The following RALYL variants were observed in gnomAD, a reference collection of about 807,000 sequenced individuals.
The protein encoded by RALYL is RNA-binding Raly-like protein.
RALYL carries 29 observed loss-of-function variants against 35.1 expected under a neutral mutation model. The ratio of observed to expected loss-of-function variants is 0.83; its 90% confidence interval spans 0.61 to 1.13. RALYL has a LOEUF of 1.13. RALYL is among the 50% of genes most tolerant of loss of function. The pLI is 0.00. For synonymous variants in RALYL, 120 were observed against 127.6 expected (o/e 0.94, Z 0.40); for missense variants, 359 against 360.4 (o/e 1.00, Z 0.03).
At chr8:84,876,222 T>C (rs1457295632) in intron 7 of RALYL, among the ~76,000 whole-genome samples, 1 of 152,176 alleles carries the variant, frequency 6.6e-6, no homozygotes, top group Non-Finnish European at 1.5e-5. Context: ...ACTTAGCAAG[T>C]CATTTAACTC....
At chr8:84,532,688 G>A (rs537950949) in intron 2 of RALYL, among the ~76,000 whole-genome samples, 2 of 151,960 alleles carry the variant, frequency 1.3e-5, no homozygotes, top group South Asian at 4.2e-4. Flanking sequence ...CTCAAATAAT[G>A]CATATTTGTA....
chr8:84,521,913 T>C (rs2058490540), intron 1 of RALYL, among the ~76,000 whole-genome samples: 1 of 152,190 alleles, frequency 6.6e-6, no homozygotes, highest in Admixed American at 6.5e-5. Context: ...ATTGTTCTAT[T>C]CAAACCTAGT....
At chr8:84,425,144 C>A (rs1018247960) in intron 1 of RALYL, among the ~76,000 whole-genome samples, 1 of 152,218 alleles carries the variant, frequency 6.6e-6, no homozygotes, top group Non-Finnish European at 1.5e-5. Context: ...CGCCCCTCCC[C>A]CAGCCTCGCT....
intron 1 of RALYL, among the ~76,000 whole-genome samples, chr8:84,503,044 C>A (rs2056841470): frequency 6.6e-6 from 1 of 151,904 alleles, no homozygotes; most frequent in South Asian, 2.1e-4. Flanking sequence ...GAAATATTGG[C>A]ACGGGAATAG....
At chr8:84,191,894 A>T (rs969334268) in intron 1 of RALYL, among the ~76,000 whole-genome samples, 21 of 152,262 alleles carry the variant, frequency 1.4e-4, no homozygotes, top group African/African-American at 5.1e-4. Context: ...TGTAAGAATT[A>T]GAAAATTACT....
At chr8:84,498,304 C>T (rs1184221862) in intron 1 of RALYL, among the ~76,000 whole-genome samples, 1 of 151,996 alleles carries the variant, frequency 6.6e-6, no homozygotes, top group Non-Finnish European at 1.5e-5. Flanking sequence ...ATATTGTTCC[C>T]ATCATATGAT....
intron 1 of RALYL, among the ~76,000 whole-genome samples, chr8:84,297,416 A>G (rs897877485): frequency 1.1e-4 from 17 of 152,056 alleles, no homozygotes; most frequent in Admixed American, 5.3e-4. Context: ...ATAGTATTCT[A>G]TGGTGTATAT....
At chr8:84,847,549 T>C (rs559349644) in intron 4 of RALYL, among the ~76,000 whole-genome samples, 1 of 152,190 alleles carries the variant, frequency 6.6e-6, no homozygotes, top group African/African-American at 2.4e-5. Context: ...TCTCCTGAGG[T>C]GACATTTACA....
intron 1 of RALYL, among the ~76,000 whole-genome samples, chr8:84,495,875 A>T (rs2055950597): frequency 6.6e-6 from 1 of 152,150 alleles, no homozygotes; most frequent in Non-Finnish European, 1.5e-5. Context: ...AGTTGTTATT[A>T]GTATTTTGTA....
Position 84,409,453 on chromosome 8 carries a change from C to T in RALYL, c.-23-119846C>T, listed in dbSNP as rs148051924. The stretch of plus-strand genomic sequence containing the variant: ...GGGGACAGCTTCTGGAAAACAGGGA[C>T]AAATAATTATTCTGTTGGTCCACCT... On this transcript the variant is annotated intron_variant, in intron 1 of 8. Transcript: ENST00000521268. Among the ~76,000 whole-genome samples the T allele has an allele frequency of 4.1e-3, 630 of 152,046 alleles. 6 individuals carry two copies. Among genetic ancestry groups the T allele is most frequent in the African/African-American group, 0.014 (594 of 41,518 alleles).
chr8:84,622,224 G>C (rs1440046125), intron 2 of RALYL, among the ~76,000 whole-genome samples: 1 of 152,140 alleles, frequency 6.6e-6, no homozygotes, highest in Non-Finnish European at 1.5e-5. Flanking sequence ...GGGGTCATAC[G>C]TGGTAATAAC....
At chr8:84,293,680 T>G (rs927084469) in intron 1 of RALYL, among the ~76,000 whole-genome samples, 1 of 152,198 alleles carries the variant, frequency 6.6e-6, no homozygotes, top group Non-Finnish European at 1.5e-5. Context: ...AATTGAATAC[T>G]AGACTATTCT....
chr8:84,459,523 GGGA>G (rs2050508402), intron 1 of RALYL, among the ~76,000 whole-genome samples: 1 of 151,712 alleles, frequency 6.6e-6, no homozygotes, highest in South Asian at 2.1e-4. Context: ...GACAGCAATG[GGGA>G]GTCATTGAAA....
At chr8:84,249,115 C>T (rs925174400) in intron 1 of RALYL, among the ~76,000 whole-genome samples, 10 of 151,722 alleles carry the variant, frequency 6.6e-5, no homozygotes, top group Non-Finnish European at 1.0e-4. Context: ...CAGCGTAAAA[C>T]AATATTGGAA....
In RALYL at chr8:84,899,818, T is replaced by C. The variant is rs148436225; in HGVS notation, c.858+12042T>C. 6.2e-3 allele frequency among the ~76,000 whole-genome samples: 945 copies of C among 152,298 alleles called. 9 individuals carry two copies. Among genetic ancestry groups the C allele is most frequent in the African/African-American group, 0.021 (891 of 41,570 alleles). On this transcript the variant is annotated intron_variant, in intron 8 of 8. Coordinates refer to ENST00000521268, the MANE Select transcript of RALYL (RefSeq NM_173848.7). ...TTAGCAAAGCTAGAATGCTGACTTA[T>C]AAAACAAACCAGAAAATAAGACTTC...
At chr8:84,714,515 A>C (rs1308852341) in intron 2 of RALYL, among the ~76,000 whole-genome samples, 1 of 151,440 alleles carries the variant, frequency 6.6e-6, no homozygotes, top group African/African-American at 2.4e-5. Flanking sequence ...AATTTTTATT[A>C]ATCAATAAAC....
At chr8:84,513,777 A>C (rs902717109) in intron 1 of RALYL, among the ~76,000 whole-genome samples, 1 of 152,146 alleles carries the variant, frequency 6.6e-6, no homozygotes, top group South Asian at 2.1e-4. Context: ...AATGGTACCT[A>C]TAAATAAACT....
intron 2 of RALYL, among the ~76,000 whole-genome samples, chr8:84,622,968 A>G (rs1821892138): frequency 6.6e-6 from 1 of 152,184 alleles, no homozygotes; most frequent in African/African-American, 2.4e-5. Flanking sequence ...GTCATGTAAC[A>G]TTTTCAGTGA....
intron 1 of RALYL, among the ~76,000 whole-genome samples, chr8:84,268,796 A>G (rs1390649647): frequency 6.6e-6 from 1 of 152,196 alleles, no homozygotes; most frequent in Non-Finnish European, 1.5e-5. Context: ...AGAAAACTGC[A>G]TGGGTCTTTT....
Sources: gnomAD v4.1 joint callset for allele counts (sites outside exome capture counted in the v4.1 genomes callset) on GRCh38, gnomAD v4.1.1 for gene constraint, MANE v1.5 for transcripts, NCBI Gene and HGNC (gene_info 2026-07-23, HGNC 2026-07-21) for gene names.